The following SGIP1 variants were observed in gnomAD, a reference collection of about 807,000 sequenced individuals.
SGIP1 encodes the protein SH3-containing GRB2-like protein 3-interacting protein 1.
A neutral mutation model predicts 107.5 loss-of-function variants in SGIP1; 38 were observed. The observed-to-expected ratio is 0.35, with a 90% CI of 0.27 to 0.46. The LOEUF (loss-of-function observed/expected upper bound fraction) is 0.46. Among genes scored for constraint, SGIP1 ranks in the 20% least tolerant of loss-of-function variants. The probability of loss-of-function intolerance (pLI) is 1.00; values close to 1 mark genes in which losing one functional copy is unlikely to be tolerated. For missense variants in SGIP1, 929 were observed against 1,019.5 expected, an observed-to-expected ratio of 0.91 and a Z score of 1.21; for synonymous variants, 365 against 366.1, an observed-to-expected ratio of 1.00 and a Z score of 0.03.
chr1:66,586,629 T>C (rs1364253842), intron 1 of SGIP1, among the ~76,000 whole-genome samples: 1 of 152,084 alleles, frequency 6.6e-6, no homozygotes, highest in Non-Finnish European at 1.5e-5. Context: ...TGTGATACAA[T>C]TGTTTTAAAT....
At chr1:66,726,728 A>G (rs936602172) in intron 19 of SGIP1, among the ~76,000 whole-genome samples, 7 of 152,240 alleles carry the variant, frequency 4.6e-5, no homozygotes, top group African/African-American at 1.7e-4. Context: ...ACTTGACACT[A>G]TATACATTGT....
chr1:66,667,185 C>G (rs1447280654), intron 8 of SGIP1, among the ~76,000 whole-genome samples: 1 of 152,082 alleles, frequency 6.6e-6, no homozygotes, highest in Non-Finnish European at 1.5e-5. Context: ...AAGTACCCCC[C>G]CCCAAACTAT....
chr1:66,586,969 T>C (rs1041872309), intron 1 of SGIP1, among the ~76,000 whole-genome samples: 1 of 152,082 alleles, frequency 6.6e-6, no homozygotes, highest in African/African-American at 2.4e-5. Flanking sequence ...TGATGGTAGT[T>C]TTTTGTTGTT....
intron 18 of SGIP1, among the ~76,000 whole-genome samples, chr1:66,713,795 A>G (rs1027405487): frequency 1.3e-5 from 2 of 152,152 alleles, no homozygotes; most frequent in African/African-American, 2.4e-5. Flanking sequence ...TAAAATAAAC[A>G]TGCATTCAAC....
chr1:66,704,758 T>A (rs2092339123), intron 18 of SGIP1: 1 of 152,188 alleles, frequency 6.6e-6, no homozygotes, highest in Non-Finnish European at 1.5e-5. Context: ...ATGAAGAAAG[T>A]ATACTAGTGA....
intron 3 of SGIP1, 68 bp from the exon 4 acceptor site, chr1:66,635,876 T>C (rs2075677440): frequency 1.3e-6 from 2 of 1,495,222 alleles, no homozygotes; most frequent in South Asian, 1.1e-5. Context: ...TGTAATTCTT[T>C]ATATGTGTCT....
intron 4 of SGIP1, 94 bp from the exon 5 acceptor site, chr1:66,639,683 C>A: frequency 4.9e-6 from 5 of 1,019,188 alleles, no homozygotes; most frequent in Non-Finnish European, 7.6e-6. Context: ...ATTTTGATAG[C>A]TTTTGCTAAA....
intron 3 of SGIP1, among the ~76,000 whole-genome samples, chr1:66,633,325 AAAC>A (rs2075171258): frequency 6.6e-6 from 1 of 152,156 alleles, no homozygotes; most frequent in South Asian, 2.1e-4. Flanking sequence ...GCAGGCAGGA[AAAC>A]AGATGGTGGG....
At chr1:66,650,399 C>T (rs921400089) in intron 7 of SGIP1, among the ~76,000 whole-genome samples, 5 of 152,102 alleles carry the variant, frequency 3.3e-5, no homozygotes, top group African/African-American at 1.2e-4. Context: ...ATGTTGAGCA[C>T]CTTCCATGTA....
intron 1 of SGIP1, among the ~76,000 whole-genome samples, chr1:66,545,397 A>C (rs534517128): frequency 7.0e-4 from 106 of 152,302 alleles, no homozygotes; most frequent in African/African-American, 2.4e-3. Context: ...TGAAGCCTTC[A>C]CATATGCAGC....
chr1:66,556,326 C>T (rs139634344), intron 1 of SGIP1, among the ~76,000 whole-genome samples: 2 of 152,080 alleles, frequency 1.3e-5, no homozygotes, highest in Non-Finnish European at 2.9e-5. Context: ...CTCTGAAATG[C>T]CACAAGGCTA....
intron 2 of SGIP1, among the ~76,000 whole-genome samples, chr1:66,629,462 C>G (rs2073757775): frequency 6.6e-6 from 1 of 151,988 alleles, no homozygotes; most frequent in Non-Finnish European, 1.5e-5. Context: ...GAAGGCTACC[C>G]ACAAACTAAG....
At chr1:66,654,586 T>C (rs1341420668) in intron 7 of SGIP1, among the ~76,000 whole-genome samples, 1 of 152,172 alleles carries the variant, frequency 6.6e-6, no homozygotes, top group African/African-American at 2.4e-5. Flanking sequence ...GGAGATTTTG[T>C]TTTAGTGGCA....
At chr1:66,690,872 C>A (rs1285289111) in intron 17 of SGIP1, among the ~76,000 whole-genome samples, 1 of 152,060 alleles carries the variant, frequency 6.6e-6, no homozygotes. Context: ...GAGAAATAAG[C>A]CGTTGGTGGC....
At chr1:66,623,311 C>T (rs1019132849) in intron 1 of SGIP1, among the ~76,000 whole-genome samples, 13 of 152,026 alleles carry the variant, frequency 8.6e-5, no homozygotes, top group Non-Finnish European at 1.5e-4. Context: ...GTGCAATGGC[C>T]TGATCTTGAC....
intron 14 of SGIP1, among the ~76,000 whole-genome samples, chr1:66,680,978 G>A (rs1328473242): frequency 6.6e-6 from 1 of 152,128 alleles, no homozygotes; most frequent in Non-Finnish European, 1.5e-5. Context: ...ATTGCTATGA[G>A]TTAAAAAGAA....
chr1:66,602,572 A>G (rs1240406749), intron 1 of SGIP1, among the ~76,000 whole-genome samples: 2 of 152,160 alleles, frequency 1.3e-5, no homozygotes, highest in African/African-American at 4.8e-5. Flanking sequence ...GCACACCAAC[A>G]TGGCACATGT....
chr1:66,694,586 T>C (rs1025124012), intron 17 of SGIP1: 7 of 1,123,074 alleles, frequency 6.2e-6, no homozygotes, highest in African/African-American at 1.6e-5. Flanking sequence ...ATAAACTTCA[T>C]GGACATGCCC....
At chr1:66,652,236 G>A (rs1255044138) in intron 7 of SGIP1, among the ~76,000 whole-genome samples, 1 of 150,192 alleles carries the variant, frequency 6.7e-6, no homozygotes, top group Non-Finnish European at 1.5e-5. Flanking sequence ...ACCCAGTTCA[G>A]TGCTGTCTCC....
Sources: gnomAD v4.1 joint callset for allele counts (sites outside exome capture counted in the v4.1 genomes callset) on GRCh38, gnomAD v4.1.1 for gene constraint, MANE v1.5 for transcripts, NCBI Gene and HGNC (gene_info 2026-07-23, HGNC 2026-07-21) for gene names.